The following RNF6 variants were observed in gnomAD, a reference collection of about 807,000 sequenced individuals.
The protein encoded by RNF6 is E3 ubiquitin-protein ligase RNF6.
A neutral mutation model predicts 50.1 loss-of-function variants in RNF6; 21 were observed. The ratio of observed to expected loss-of-function variants is 0.42; its 90% CI spans 0.30 to 0.60. RNF6 has a LOEUF of 0.60. RNF6 is among the 20% of genes least tolerant of loss of function. The pLI is 0.20. For missense variants in RNF6, 698 were observed against 838.2 expected, an observed-to-expected ratio of 0.83 and a Z score of 2.07; for synonymous variants, 255 against 291.8, an observed-to-expected ratio of 0.87 and a Z score of 1.29.
intron 5 of RNF6, among the ~76,000 whole-genome samples, chr13:26,150,292 T>C (rs1038794952): frequency 3.9e-5 from 6 of 152,078 alleles, no homozygotes; most frequent in Non-Finnish European, 8.8e-5. Flanking sequence ...ACACTGATTT[T>C]AGTGATGTCA....
downstream of RNF6, among the ~76,000 whole-genome samples, chr13:26,210,406 G>A (rs1456168663): frequency 1.3e-5 from 2 of 152,324 alleles, no homozygotes; most frequent in East Asian, 1.9e-4. Flanking sequence ...GCCTCAGACT[G>A]AGCTTGTCAA....
At chr13:26,198,712 G>A (rs986103004) in intron 5 of RNF6, among the ~76,000 whole-genome samples, 39 of 151,844 alleles carry the variant, frequency 2.6e-4, no homozygotes, top group Admixed American at 2.4e-3. Context: ...ATCTTGATTT[G>A]CATATAGCAT....
intron 5 of RNF6, among the ~76,000 whole-genome samples, chr13:26,162,145 G>C (rs1872242679): frequency 6.6e-6 from 1 of 152,062 alleles, no homozygotes; most frequent in Non-Finnish European, 1.5e-5. Flanking sequence ...GCATGCCTTT[G>C]ATATAAAAAC....
At chr13:26,146,475 G>T (rs919834361) in intron 5 of RNF6, among the ~76,000 whole-genome samples, 1 of 152,198 alleles carries the variant, frequency 6.6e-6, no homozygotes, top group Non-Finnish European at 1.5e-5. Context: ...AGTGATCACA[G>T]AACGCTTTAA....
At position 26,182,796 on chromosome 13, in the gene RNF6, C is replaced by A. The variant is rs536697608; in HGVS notation, n.768+32678G>T. 9.9e-5 allele frequency among the ~76,000 whole-genome samples: 15 copies of A among 152,228 alleles called. No individual in the cohort carries two copies. The East Asian group carries it at 2.7e-3, about 27-fold the overall frequency. On this transcript the variant is annotated intron_variant and non_coding_transcript_variant, in intron 5 of 5. Transcript: ENST00000468480. The stretch of plus-strand genomic sequence containing the variant: ...GGCCAATTTGGGTAACAGAGTGAGA[C>A]CCTGTCTCAAGAAAAAAAAGAAAAT...
chr13:26,138,059 T>C (rs1367528172), intron 5 of RNF6, among the ~76,000 whole-genome samples: 1 of 152,086 alleles, frequency 6.6e-6, no homozygotes, highest in Non-Finnish European at 1.5e-5. Flanking sequence ...AAACAAATTG[T>C]AATCAAACTA....
exon 6 of RNF6, chr13:26,132,182 A>G (rs949845950): frequency 4.5e-6 from 1 of 221,060 alleles, no homozygotes; most frequent in Non-Finnish European, 9.2e-6. Flanking sequence ...ACAATTCCAT[A>G]GATGCTTCAG....
chr13:26,177,064 C>T (rs1417959440), intron 5 of RNF6, among the ~76,000 whole-genome samples: 2 of 152,122 alleles, frequency 1.3e-5, no homozygotes, highest in Non-Finnish European at 2.9e-5. Flanking sequence ...GAAAGATCGG[C>T]GGGGACCACC....
intron 5 of RNF6, among the ~76,000 whole-genome samples, chr13:26,188,751 TC>T (rs1390439131): frequency 7.0e-6 from 1 of 142,500 alleles, no homozygotes; most frequent in Non-Finnish European, 1.5e-5. Context: ...TGCCTCAGCC[TC>T]CCAAGTAGCT....
chr13:26,219,025 C>A (rs1486740172), intron 3 of RNF6, among the ~76,000 whole-genome samples: 1 of 152,044 alleles, frequency 6.6e-6, no homozygotes, highest in African/African-American at 2.4e-5. Flanking sequence ...TATAAACATA[C>A]AAATTTCCAT....
intron 5 of RNF6, among the ~76,000 whole-genome samples, chr13:26,170,239 C>CA (rs10712832): frequency 2.8e-4 from 39 of 139,166 alleles, no homozygotes; most frequent in South Asian, 6.7e-4. Context: ...CTGGATTTTA[C>CA]AAAAAAAAAA....
intron 5 of RNF6, among the ~76,000 whole-genome samples, chr13:26,138,355 G>A (rs1870756863): frequency 6.6e-6 from 1 of 152,064 alleles, no homozygotes; most frequent in Non-Finnish European, 1.5e-5. Context: ...AATACTAAAG[G>A]GGGTTATTCA....
Position 26,215,127 on chromosome 13 carries a change from C to T in RNF6, c.755G>A (p.Arg252His), listed in dbSNP as rs774282689. 9.3e-6 allele frequency: 15 copies of T among 1,614,052 alleles called. No individual in the cohort carries two copies. Among genetic ancestry groups the T allele is most frequent in the Non-Finnish European group, 1.3e-5 (15 of 1,180,034 alleles). The stretch of plus-strand genomic sequence containing the variant: ...GTTTGTGTGACTACTGAAATTAGTG[C>T]GTGAAGCGTTAGCTCGAGGAATGCC... Reference protein sequence around the residue: ...AAGIPRANASRTNFSSHTNQS... With the variant: ...AAGIPRANASHTNFSSHTNQS... The change falls in exon 5 of 5, where the codon CGC (arginine) becomes CAC (histidine). Residue 252 changes from arginine (R) to histidine (H), a missense_variant. By Grantham distance (29) the Arg-to-His change is conservative (BLOSUM62 0). Transcript: ENST00000381588.
chr13:26,219,780 A>T, intron 2 of RNF6, 113 bp from the exon 3 acceptor site: 1 of 898,862 alleles, frequency 1.1e-6, no homozygotes. Flanking sequence ...CTACCCAAAT[A>T]CTGTATTTGC....
downstream of RNF6, among the ~76,000 whole-genome samples, chr13:26,209,493 CAGG>C (rs774283539): frequency 1.3e-5 from 2 of 152,182 alleles, no homozygotes; most frequent in Non-Finnish European, 2.9e-5. Context: ...ATCGGGTAGG[CAGG>C]AGAAGCTACT....
At chr13:26,184,433 T>C (rs1873419892) in intron 5 of RNF6, among the ~76,000 whole-genome samples, 1 of 152,200 alleles carries the variant, frequency 6.6e-6, no homozygotes, top group South Asian at 2.1e-4. Flanking sequence ...AGACATGTTG[T>C]TGTATAAAAA....
intron 5 of RNF6, among the ~76,000 whole-genome samples, chr13:26,154,821 G>A (rs896746295): frequency 6.6e-6 from 1 of 152,154 alleles, no homozygotes; most frequent in African/African-American, 2.4e-5. Context: ...CTTGAGGTCA[G>A]GAGCTTGAGA....
rs899325687 is a variant in RNF6 at position 26,194,881 on chromosome 13, G to A, written n.768+20593C>T. 1.2e-3 allele frequency among the ~76,000 whole-genome samples: 182 copies of A among 152,292 alleles called. 1 individual carries two copies. Among genetic ancestry groups the A allele is most frequent in the South Asian group, 6.2e-4 (3 of 4,826 alleles). On this transcript the variant is annotated intron_variant and non_coding_transcript_variant, in intron 5 of 5. Coordinates refer to the RNF6 transcript ENST00000468480. ...GCTTTATAGGCTAGCGGTGCTGGCA[G>A]CTGATTAGAAGGTGCCCACCCAGAT...
chr13:26,138,496 C>T (rs186153884), intron 5 of RNF6, among the ~76,000 whole-genome samples: 255 of 152,180 alleles, frequency 1.7e-3, no homozygotes, highest in African/African-American at 5.9e-3. Context: ...TCCTTGTTTT[C>T]TCCTCTCTAA....
Sources: gnomAD v4.1 joint callset for allele counts (sites outside exome capture counted in the v4.1 genomes callset) on GRCh38, gnomAD v4.1.1 for gene constraint, MANE v1.5 for transcripts, NCBI Gene and HGNC (gene_info 2026-07-23, HGNC 2026-07-21) for gene names.